The following USP3 variants were observed in gnomAD, a reference collection of about 807,000 sequenced individuals.
The protein encoded by USP3 is ubiquitin specific peptidase 3.
Under a neutral mutation model 72.3 loss-of-function variants are expected in USP3, and 20 were observed. That is an observed-to-expected ratio of 0.28 (90% CI 0.19 to 0.40). USP3 has a LOEUF of 0.40. Ranked by LOEUF, USP3 falls within the 10% of genes least tolerant of loss-of-function variation. The pLI is 1.00. For missense variants in USP3, 479 were observed against 633.9 expected (o/e 0.76, Z 2.62); for synonymous variants, 222 against 225.3 (o/e 0.99, Z 0.13).
intron 1 of USP3, among the ~76,000 whole-genome samples, chr15:63,522,760 T>G: frequency 6.6e-6 from 1 of 152,254 alleles, no homozygotes; most frequent in East Asian, 1.9e-4. Context: ...CAGTTCACAT[T>G]AAAGAACTTA....
chr15:63,524,901 A>G (rs1465978887), intron 1 of USP3, among the ~76,000 whole-genome samples: 3 of 152,196 alleles, frequency 2.0e-5, no homozygotes, highest in African/African-American at 7.2e-5. Context: ...CCAGATTCGG[A>G]GAATGAGGAC....
In USP3 at chr15:63,544,529, G is replaced by A; in HGVS notation, c.284+7373G>A. The A allele has an allele frequency of 5.2e-6, 3 of 571,808 alleles. No homozygotes were observed. In the South Asian group the frequency reaches 6.7e-5, roughly 13 times the overall value. The allele number at this position is 571,808 out of a possible 1,614,324, so 35.4% of individuals were successfully genotyped here. A position where few individuals can be genotyped will look rare whatever the true frequency, so the allele number is the denominator to read the frequency against. ...AAGTAGTGCAGGGCAAAAACAGGAA[G>A]GAAACGAGTGTTTCTAAAGTTAGAA... On this transcript the variant is annotated intron_variant, in intron 3 of 14. Coordinates refer to ENST00000380324, the MANE Select transcript of USP3 (RefSeq NM_006537.4). The surrounding 1 kb of genome is among the most constrained non-coding windows in gnomAD (Gnocchi z 4.2).
chr15:63,588,177 GAA>G lies in USP3; in HGVS notation c.1097-126_1097-125del. The stretch of plus-strand genomic sequence containing the variant: ...TTTTTTGTCTCCAGTTTGCAATTGA[GAA>G]AGGTTAACTTTTCTAAGGTCGTATA... On this transcript the variant is annotated intron_variant, in intron 11 of 14. Coordinates refer to ENST00000380324, the MANE Select transcript of USP3 (RefSeq NM_006537.4). The surrounding 1 kb of genome is among the most constrained non-coding windows in gnomAD (Gnocchi z 4.6). 1.6e-6 allele frequency: 1 copy of G among 645,004 alleles called. No homozygotes were observed. Among genetic ancestry groups the G allele is most frequent in the Non-Finnish European group, 2.6e-6 (1 of 390,180 alleles). The allele number at this position is 645,004 out of a possible 1,614,324, so 40.0% of individuals were successfully genotyped here.
At chr15:63,527,931 G>A (rs887945418) in intron 1 of USP3, 1 of 152,222 alleles carries the variant, frequency 6.6e-6, no homozygotes, top group Non-Finnish European at 1.5e-5. Context: ...TTAGAGGCTG[G>A]GGCTCTTCCC....
At position 63,574,407 on chromosome 15, in the gene USP3, A is replaced by C. The variant is rs2066828035; in HGVS notation, c.1096+4A>C. The C allele has an allele frequency of 1.3e-6, 2 of 1,596,126 alleles. No homozygotes were observed. Among genetic ancestry groups the C allele is most frequent in the East Asian group, 4.5e-5 (2 of 44,226 alleles). On this transcript the variant is annotated splice_donor_region_variant and intron_variant, in intron 11 of 14. Coordinates refer to ENST00000380324, the MANE Select transcript of USP3 (RefSeq NM_006537.4). This position sits in a 1 kb window ranked among gnomAD's most constrained non-coding sequence, Gnocchi z 4.6. Reference sequence around the variant, plus strand: ...GGACCAGTTTGTTCGTTACGAGGTAAAGATACTTGAATGTTCTAAAAATTT... The same window carrying C: ...GGACCAGTTTGTTCGTTACGAGGTACAGATACTTGAATGTTCTAAAAATTT...
intron 8 of USP3, among the ~76,000 whole-genome samples, chr15:63,567,341 A>ATTTTTTT (rs1276442905): frequency 8.4e-6 from 1 of 119,536 alleles, no homozygotes; most frequent in Non-Finnish European, 1.8e-5. Flanking sequence ...TGCCTGGCTA[A>ATTTTTTT]TTTTTTTTTT....
intron 8 of USP3, among the ~76,000 whole-genome samples, chr15:63,565,974 G>A (rs539996548): frequency 7.0e-4 from 107 of 152,134 alleles, no homozygotes; most frequent in Non-Finnish European, 1.3e-3. Context: ...TTGCTGCTTT[G>A]CTGTCTCTGT....
intron 11 of USP3, among the ~76,000 whole-genome samples, chr15:63,582,506 G>A (rs2066981675): frequency 6.6e-6 from 1 of 152,144 alleles, no homozygotes; most frequent in African/African-American, 2.4e-5. Flanking sequence ...TGAAAAACCA[G>A]GCTCAGCTTA....
At position 63,559,942 on chromosome 15, in the gene USP3, C is replaced by T. The variant is rs755635248; in HGVS notation, c.619C>T (p.His207Tyr). The T allele has an allele frequency of 6.8e-6, 11 of 1,613,976 alleles. No individual in the cohort carries two copies. The highest frequency in any genetic ancestry group is 3.3e-5 in the Admixed American group (2 of 60,018). The change falls in exon 7 of 15, where the codon CAC becomes TAC. Residue 207 changes from histidine to tyrosine, a missense_variant. Transcript: ENST00000380324. ...GAAAACAGCAGGAAGGCGGACATAC[C>T]ACACCAGGAGCCAAGGGGATAACAA... ...NGKTAGRRTY[H>Y]TRSQGDNNVS...
chr15:63,547,761 GGAGAGAGAGAGAGAGAGAGAGA>G (rs1180675814), intron 3 of USP3, among the ~76,000 whole-genome samples: 2 of 4,466 alleles, frequency 4.5e-4, no homozygotes, highest in African/African-American at 1.6e-3. Context: ...AGGGAGGGAG[GGAGAGAGAGAGAGAGAGAGAGA>G]GAGAGAGAGA....
At chr15:63,517,673 G>T (rs1225135562) in intron 1 of USP3, among the ~76,000 whole-genome samples, 1 of 152,128 alleles carries the variant, frequency 6.6e-6, no homozygotes, top group Non-Finnish European at 1.5e-5. Flanking sequence ...TGGGAGGTGG[G>T]CACCTGGCCA....
Position 63,504,734 on chromosome 15 carries a change from G to A in USP3, c.-6G>A, listed in dbSNP as rs374344249. ...CGCAGTCCTCCCAGCTGCCCTCCTC[G>A]TGGCCATGGAGTGTCCACACCTGAG... On this transcript the variant is annotated 5_prime_UTR_variant, in exon 1 of 15. It adds an upstream start codon to the 5' untranslated region. Coordinates refer to ENST00000380324, the MANE Select transcript of USP3 (RefSeq NM_006537.4). 29 of 1,602,378 alleles carry A rather than the reference G, an allele frequency of 1.8e-5. No individual in the cohort carries two copies. The African/African-American group carries it at 3.7e-4, about 20-fold the overall frequency.
intron 6 of USP3, 50 bp from the exon 7 acceptor site, chr15:63,559,807 C>T (rs566127898): frequency 1.3e-6 from 2 of 1,487,024 alleles, no homozygotes; most frequent in South Asian, 2.5e-5. Context: ...ACTTTCTTTA[C>T]AGTCCTATTC....
At chr15:63,546,799 G>A (rs982098117) in intron 3 of USP3, among the ~76,000 whole-genome samples, 8 of 152,126 alleles carry the variant, frequency 5.3e-5, no homozygotes, top group East Asian at 3.9e-4. Context: ...TAGTAGAGAC[G>A]GGGTTTCACC....
At chr15:63,566,929 A>G (rs1402607380) in intron 8 of USP3, among the ~76,000 whole-genome samples, 1 of 152,224 alleles carries the variant, frequency 6.6e-6, no homozygotes, top group Non-Finnish European at 1.5e-5. Context: ...TGTCAAGGAT[A>G]TTTTAAATAT....
chr15:63,573,312 T>C (rs964421036), intron 9 of USP3, among the ~76,000 whole-genome samples: 3 of 152,222 alleles, frequency 2.0e-5, no homozygotes, highest in Non-Finnish European at 4.4e-5. Context: ...CTGTGGTGGG[T>C]ACTCTTCCTG....
intron 1 of USP3, among the ~76,000 whole-genome samples, chr15:63,517,800 G>A (rs1247662306): frequency 6.6e-6 from 1 of 152,140 alleles, no homozygotes; most frequent in Non-Finnish European, 1.5e-5. Context: ...TATACCTAGA[G>A]CTCCTCCCAT....
rs916693721 is a variant in USP3, at chr15:63,591,326, T to C, written c.*500T>C. The stretch of plus-strand genomic sequence containing the variant: ...TTTCACAATGACTGCTGAGGAATCA[T>C]TCTTTTTGCCTGTAAAATATAACAA... On this transcript the variant is annotated 3_prime_UTR_variant, in exon 15 of 15. Coordinates refer to ENST00000380324, the MANE Select transcript of USP3 (RefSeq NM_006537.4). 1 of 152,696 alleles carries C rather than the reference T, an allele frequency of 6.5e-6. No homozygotes were observed. Among genetic ancestry groups the C allele is most frequent in the African/African-American group, 2.4e-5 (1 of 41,468 alleles). 9.5% of individuals were successfully genotyped at this position (152,696 alleles called of 1,614,324 possible).
At chr15:63,530,318 A>C (rs1392091475) in intron 1 of USP3, among the ~76,000 whole-genome samples, 33 of 102,662 alleles carry the variant, frequency 3.2e-4, no homozygotes, top group East Asian at 6.2e-4. Flanking sequence ...TTCATTCCTT[A>C]CATCCATCTT....
Sources: allele counts gnomAD v4.1 joint callset (sites outside exome capture counted in the v4.1 genomes callset), GRCh38; gene constraint gnomAD v4.1.1; non-coding constraint Gnocchi (gnomAD v3.1); transcripts MANE v1.5; gene names NCBI Gene and HGNC (gene_info 2026-07-23, HGNC 2026-07-21).